Variants in PARD3B observed in about 807,000 individuals in gnomAD.
PARD3B encodes par-3 family cell polarity regulator beta, also known as partitioning defective 3 homolog B.
Under a neutral mutation model 130.2 loss-of-function variants are expected in PARD3B, and 103 were observed. The observed-to-expected ratio is 0.79, with a 90% CI of 0.67 to 0.93. PARD3B has a LOEUF of 0.93. PARD3B is among the 40% of genes least tolerant of loss of function. The probability of loss-of-function intolerance (pLI) is 0.00; values close to 1 mark genes in which losing one functional copy is unlikely to be tolerated. For synonymous variants in PARD3B, 583 were observed against 553.2 expected (o/e 1.05, Z -0.76); for missense variants, 1,609 against 1,499.2 (o/e 1.07, Z -1.21).
intron 1 of PARD3B, among the ~76,000 whole-genome samples, chr2:204,637,552 G>A (rs1162120553): frequency 6.6e-6 from 1 of 152,086 alleles, no homozygotes; most frequent in African/African-American, 2.4e-5. Context: ...TACTTATGGT[G>A]AAAATTTTTG....
intron 2 of PARD3B, among the ~76,000 whole-genome samples, chr2:204,861,162 TTCTCTCTCTCTCTCTCTCTCTCTCTC>T (rs60740602): frequency 4.8e-3 from 434 of 91,368 alleles, no homozygotes; most frequent in African/African-American, 0.012. Flanking sequence ...CCTAATACCT[TTCTCTCTCTCTCTCTCTCTCTCTCTC>T]TCTCTCTCTC....
intron 2 of PARD3B, among the ~76,000 whole-genome samples, chr2:204,836,258 T>A (rs1417667929): frequency 6.6e-6 from 1 of 152,216 alleles, no homozygotes; most frequent in Admixed American, 6.5e-5. Flanking sequence ...GAATTTTTTT[T>A]ATCTCAGAAA....
chr2:205,065,442 A>G (rs1354677412), intron 4 of PARD3B, among the ~76,000 whole-genome samples: 2 of 152,178 alleles, frequency 1.3e-5, no homozygotes, highest in Non-Finnish European at 2.9e-5. Context: ...CTGACCCAAT[A>G]TATAATTTAA....
intron 1 of PARD3B, among the ~76,000 whole-genome samples, chr2:204,631,052 A>G (rs952562645): frequency 9.9e-5 from 15 of 152,180 alleles, no homozygotes; most frequent in African/African-American, 3.4e-4. Flanking sequence ...TAGCTTGTCA[A>G]CTGGAGATCT....
At position 205,461,094 on chromosome 2, in the gene PARD3B, C is replaced by T. The variant is rs2048435302; in HGVS notation, c.3044+20422C>T. Among the ~76,000 whole-genome samples, 1 of 152,112 alleles carries T rather than the reference C, an allele frequency of 6.6e-6. No individual in the cohort carries two copies. Among genetic ancestry groups the T allele is most frequent in the African/African-American group, 2.4e-5 (1 of 41,390 alleles). On this transcript the variant is annotated intron_variant, in intron 20 of 22. Transcript: ENST00000406610. The surrounding 1 kb of genome is among the most constrained non-coding windows in gnomAD (Gnocchi z 4.3). ...TTACTTTCATGGAACTTAAGACCTA[C>T]AGGAGGAGACAAATATTAAATGTGT...
At chr2:204,947,244 TAG>T (rs1689399896) in intron 2 of PARD3B, among the ~76,000 whole-genome samples, 1 of 152,322 alleles carries the variant, frequency 6.6e-6, no homozygotes, top group South Asian at 2.1e-4. Context: ...ATTATGTCTA[TAG>T]AGAGTATCAT....
Position 205,288,698 on chromosome 2 carries a change from C to A in PARD3B, c.2186-11832C>A, listed in dbSNP as rs1053767570. ...TCACTCCATCCTCCCGGTGTCCCCACCCCCCAGGAGACGTGTTTGGACTTT... is the reference window on the plus strand; with the variant it reads ...TCACTCCATCCTCCCGGTGTCCCCAACCCCCAGGAGACGTGTTTGGACTTT... On this transcript the variant is annotated intron_variant, in intron 16 of 22. Coordinates refer to ENST00000406610, the MANE Select transcript of PARD3B (RefSeq NM_001302769.2). This position sits in a 1 kb window ranked among gnomAD's most constrained non-coding sequence, Gnocchi z 4.0. Among the ~76,000 whole-genome samples, 3 of 152,142 alleles carry A rather than the reference C, an allele frequency of 2.0e-5. No homozygotes were observed. The highest frequency in any genetic ancestry group is 1.3e-4 in the Admixed American group (2 of 15,272).
At chr2:204,955,010 C>T (rs1214992085) in intron 2 of PARD3B, among the ~76,000 whole-genome samples, 1 of 152,042 alleles carries the variant, frequency 6.6e-6, no homozygotes, top group Admixed American at 6.6e-5. Flanking sequence ...CTATTTGTAG[C>T]CAAGTCTCAT....
chr2:205,583,377 C>G (rs921174900), intron 22 of PARD3B, among the ~76,000 whole-genome samples: 79 of 150,490 alleles, frequency 5.2e-4, no homozygotes, highest in South Asian at 1.1e-3. Flanking sequence ...CTCCTAAGCT[C>G]TGTGTGTGTG....
chr2:205,582,726 T>C (rs1284616440), intron 22 of PARD3B, among the ~76,000 whole-genome samples: 1 of 151,636 alleles, frequency 6.6e-6, no homozygotes, highest in African/African-American at 2.4e-5. Flanking sequence ...GAAAGGAGAT[T>C]GGGAGCTAGT....
intron 2 of PARD3B, among the ~76,000 whole-genome samples, chr2:204,865,099 A>G (rs1178905657): frequency 6.6e-6 from 1 of 152,180 alleles, no homozygotes; most frequent in African/African-American, 2.4e-5. Context: ...CACTCATGCA[A>G]GAACGGCCAT....
At chr2:204,876,928 G>A (rs910425081) in intron 2 of PARD3B, among the ~76,000 whole-genome samples, 7 of 152,088 alleles carry the variant, frequency 4.6e-5, no homozygotes, top group Admixed American at 1.3e-4. Context: ...GCAGGTCCAC[G>A]TACACATGTA....
At position 204,580,566 on chromosome 2, in the gene PARD3B, C is replaced by A. The variant is rs183639353; in HGVS notation, c.120+34447C>A. On this transcript the variant is annotated intron_variant, in intron 1 of 22. Coordinates refer to ENST00000406610, the MANE Select transcript of PARD3B (RefSeq NM_001302769.2). ...AAGTGTTGTACTGGAAAATACACAG[C>A]AGATATACAAATAACTCCACCTGGG... Among the ~76,000 whole-genome samples, 245 of 152,308 alleles carry A rather than the reference C, an allele frequency of 1.6e-3. 1 individual carries two copies. Among genetic ancestry groups the A allele is most frequent in the Non-Finnish European group, 3.1e-3 (211 of 68,022 alleles).
chr2:205,074,646 C>T (rs1700934368), intron 4 of PARD3B, among the ~76,000 whole-genome samples: 1 of 152,168 alleles, frequency 6.6e-6, no homozygotes, highest in Non-Finnish European at 1.5e-5. Flanking sequence ...AACTTGGAAG[C>T]AGCTGTGGCA....
intron 2 of PARD3B, among the ~76,000 whole-genome samples, chr2:204,905,578 T>TA (rs2047014277): frequency 6.6e-6 from 1 of 152,168 alleles, no homozygotes; most frequent in Non-Finnish European, 1.5e-5. Context: ...TATTAATACT[T>TA]AAAAAAATGA....
At chr2:204,996,365 T>TA (rs1553584731) in intron 3 of PARD3B, among the ~76,000 whole-genome samples, 1 of 152,086 alleles carries the variant, frequency 6.6e-6, no homozygotes, top group Non-Finnish European at 1.5e-5. Flanking sequence ...GTGCCCCTGC[T>TA]GGGGGGTGCC....
intron 2 of PARD3B, among the ~76,000 whole-genome samples, chr2:204,760,970 C>G (rs1337132381): frequency 1.3e-5 from 2 of 152,152 alleles, no homozygotes; most frequent in East Asian, 3.8e-4. Flanking sequence ...TGACTATTTT[C>G]TATATGCCAG....
At chr2:204,937,132 G>A (rs1688521433) in intron 2 of PARD3B, among the ~76,000 whole-genome samples, 1 of 152,330 alleles carries the variant, frequency 6.6e-6, no homozygotes, top group East Asian at 1.9e-4. Flanking sequence ...TGGAACCATT[G>A]ACCTCGGATG....
chr2:205,480,488 C>T (rs1465895666), intron 20 of PARD3B, among the ~76,000 whole-genome samples: 1 of 152,200 alleles, frequency 6.6e-6, no homozygotes, highest in Non-Finnish European at 1.5e-5. Flanking sequence ...TCCCCATCCT[C>T]ACCACCAGTC....
Sources: gnomAD v4.1 joint callset for allele counts (sites outside exome capture counted in the v4.1 genomes callset) on GRCh38, gnomAD v4.1.1 for gene constraint, Gnocchi (gnomAD v3.1) non-coding constraint, MANE v1.5 for transcripts, NCBI Gene and HGNC (gene_info 2026-07-23, HGNC 2026-07-21) for gene names.